The following ERN1 variants were observed in gnomAD, a reference collection of about 807,000 sequenced individuals.
ERN1 encodes endoplasmic reticulum to nucleus signaling 1, also known as serine/threonine-protein kinase/endoribonuclease IRE1.
ERN1 carries 39 observed loss-of-function variants against 113.1 expected under a neutral mutation model. The ratio of observed to expected loss-of-function variants is 0.34; its 90% CI spans 0.27 to 0.45. The LOEUF (loss-of-function observed/expected upper bound fraction) is 0.45, where lower values mean the gene tolerates loss of function less well. Ranked by LOEUF, ERN1 falls within the 20% of genes least tolerant of loss-of-function variation. ERN1 has a pLI of 1.00. For missense variants in ERN1, 976 were observed against 1,274.8 expected, an observed-to-expected ratio of 0.77 and a Z score of 3.57; for synonymous variants, 507 against 515.9, an observed-to-expected ratio of 0.98 and a Z score of 0.23.
chr17:64,104,486 A>G (rs1914469927), intron 1 of ERN1, among the ~76,000 whole-genome samples: 1 of 152,156 alleles, frequency 6.6e-6, no homozygotes, highest in African/African-American at 2.4e-5. Context: ...AATTTCAGAC[A>G]TACATTTCAA....
chr17:64,106,221 T>C (rs1362440687), intron 1 of ERN1, among the ~76,000 whole-genome samples: 1 of 152,180 alleles, frequency 6.6e-6, no homozygotes, highest in East Asian at 1.9e-4. Context: ...TATTACAGTA[T>C]TAAAGGTAAG....
rs199828702 is a variant in ERN1 at position 64,066,911 on chromosome 17, T to C, written c.602A>G (p.Asn201Ser). The stretch of plus-strand genomic sequence containing the variant: ...CACAGTCACCACCAGCCCATCACCA[T>C]TGGACACAAAGTGGGACATCTCTGT... ...VDYKMSHFVS[N>S]GDGLVVTVDS... The change falls in exon 8 of 22, where the codon AAT (asparagine) becomes AGT (serine). Residue 201 changes from asparagine (N) to serine (S), a missense_variant. This residue lies in a region of ERN1 where 459 missense variants were observed against 581.2 expected (regional missense o/e 0.79). Transcript: ENST00000433197. 48 of 1,613,690 alleles carry C rather than the reference T, an allele frequency of 3.0e-5. No homozygotes were observed. The highest frequency in any genetic ancestry group is 1.2e-4 in the Admixed American group (7 of 59,968).
intron 19 of ERN1, among the ~76,000 whole-genome samples, chr17:64,046,731 C>T (rs1462171555): frequency 6.6e-6 from 1 of 152,180 alleles, no homozygotes; most frequent in African/African-American, 2.4e-5. Context: ...CCAGTCAGAC[C>T]CCAGGAGAGC....
rs1363387838 is a variant in ERN1 at position 64,129,963 on chromosome 17, C to T, written c.54+13G>A. The T allele has an allele frequency of 6.9e-7, 1 of 1,445,310 alleles. No homozygotes were observed. Among genetic ancestry groups the T allele is most frequent in the Non-Finnish European group, 9.0e-7 (1 of 1,105,064 alleles). 89.5% of individuals were successfully genotyped at this position (1,445,310 alleles called of 1,614,324 possible). A position where few individuals can be genotyped will look rare whatever the true frequency, so the allele number is the denominator to read the frequency against. On this transcript the variant is annotated intron_variant, in intron 1 of 21. Coordinates refer to ENST00000433197, the MANE Select transcript of ERN1 (RefSeq NM_001433.5). ...GCGAGCTGTCCTCCACCCCACGCTC[C>T]CCGGTCACTCACCCCGAGGCCGGGC... is the stretch of plus-strand genomic sequence containing the variant.
In ERN1 at chr17:64,052,836, C is replaced by T; in HGVS notation, c.2197G>A (p.Gly733Ser). 6.2e-7 allele frequency: 1 copy of T among 1,614,028 alleles called. No individual in the cohort carries two copies. The highest frequency in any genetic ancestry group is 8.5e-7 in the Non-Finnish European group (1 of 1,179,896). ...TCTGGAGCGATCCAGCCTTCTGTGC[C>T]AGGCACCCCAGATCGGCGGCTGAAA... is the stretch of plus-strand genomic sequence containing the variant. ...HSFSRRSGVPGTEGWIAPEML... is the reference protein window; with the variant it reads ...HSFSRRSGVPSTEGWIAPEML... The change falls in exon 17 of 22, where the codon GGC (glycine) becomes AGC (serine). Residue 733 changes from glycine to serine, a missense_variant. By Grantham distance (56) the Gly-to-Ser change is moderately conservative. This residue lies in a region of ERN1 where 297 missense variants were observed against 457.8 expected (regional missense o/e 0.65). Coordinates refer to ENST00000433197, the MANE Select transcript of ERN1 (RefSeq NM_001433.5).
chr17:64,122,507 T>C (rs1914980088), intron 1 of ERN1, among the ~76,000 whole-genome samples: 1 of 152,202 alleles, frequency 6.6e-6, no homozygotes, highest in African/African-American at 2.4e-5. Flanking sequence ...TACATGCTTC[T>C]AGGGCTCAAA....
At chr17:64,084,183 A>G (rs17641310) in intron 2 of ERN1, among the ~76,000 whole-genome samples, 14,124 of 151,940 alleles carry the variant, frequency 0.093, 722 homozygotes, top group African/African-American at 0.12. Flanking sequence ...TTTGCCTGAG[A>G]CTGGCTTCTA....
At chr17:64,084,179 T>C (rs190400309) in intron 2 of ERN1, among the ~76,000 whole-genome samples, 17 of 152,242 alleles carry the variant, frequency 1.1e-4, no homozygotes, top group East Asian at 1.9e-4. Flanking sequence ...GTCTTTTGCC[T>C]GAGACTGGCT....
At chr17:64,112,640 T>C (rs1173339924) in intron 1 of ERN1, among the ~76,000 whole-genome samples, 3 of 152,142 alleles carry the variant, frequency 2.0e-5, no homozygotes, top group Non-Finnish European at 4.4e-5. Flanking sequence ...ATCCATAAAA[T>C]GGGGATAATG....
In ERN1 at chr17:64,077,660, G is replaced by A. The variant is rs141546128; in HGVS notation, c.282+2002C>T. Among the ~76,000 whole-genome samples, 322 of 152,152 alleles carry A rather than the reference G, an allele frequency of 2.1e-3. 4 individuals carry two copies. The highest frequency in any genetic ancestry group is 7.5e-3 in the African/African-American group (310 of 41,498). ...AGAGTTTATTTTTCCACTCCACTGT[G>A]GATGTTATTTGGCCACCCTCTGCTT... On this transcript the variant is annotated intron_variant, in intron 4 of 21. Coordinates refer to ENST00000433197, the MANE Select transcript of ERN1 (RefSeq NM_001433.5).
chr17:64,066,645 T>C (rs1913234749), intron 8 of ERN1, 26 bp downstream of exon 8: 3 of 1,610,808 alleles, frequency 1.9e-6, no homozygotes, highest in African/African-American at 2.7e-5. Context: ...ACGGCCGCCC[T>C]CTCCTTCCCC....
At chr17:64,079,327 C>T (rs1200470874) in intron 4 of ERN1, among the ~76,000 whole-genome samples, 3 of 152,316 alleles carry the variant, frequency 2.0e-5, no homozygotes, top group Non-Finnish European at 4.4e-5. Context: ...GTGGAGACAG[C>T]ATTTCAAACT....
chr17:64,102,648 G>C (rs1056328249), intron 1 of ERN1: 2 of 984,474 alleles, frequency 2.0e-6, no homozygotes, highest in African/African-American at 3.5e-5. Context: ...GTGTGATACT[G>C]AGCACAGCTG....
intron 1 of ERN1, among the ~76,000 whole-genome samples, chr17:64,118,262 G>T (rs1422541314): frequency 1.3e-5 from 2 of 152,194 alleles, no homozygotes; most frequent in African/African-American, 4.8e-5. Flanking sequence ...AAGTTGCACA[G>T]CTAGCTAGTA....
chr17:64,093,237 G>A (rs765990864), intron 2 of ERN1, among the ~76,000 whole-genome samples: 4 of 152,170 alleles, frequency 2.6e-5, no homozygotes, highest in Non-Finnish European at 4.4e-5. Flanking sequence ...AAGAACCCCA[G>A]TTTGGTGAGT....
At chr17:64,056,716 T>C (rs558179450) in intron 12 of ERN1, among the ~76,000 whole-genome samples, 3 of 152,152 alleles carry the variant, frequency 2.0e-5, no homozygotes, top group Non-Finnish European at 4.4e-5. Flanking sequence ...CTCTCCACCA[T>C]GGGGTGGAGT....
chr17:64,103,516 C>T (rs531504069), intron 1 of ERN1, among the ~76,000 whole-genome samples: 19 of 144,118 alleles, frequency 1.3e-4, no homozygotes, highest in African/African-American at 4.6e-4. Context: ...AAAAAAAAAG[C>T]AATGTTACAC....
chr17:64,106,370 T>A (rs145791869), intron 1 of ERN1, among the ~76,000 whole-genome samples: 1 of 152,314 alleles, frequency 6.6e-6, no homozygotes, highest in East Asian at 1.9e-4. Context: ...AATAATGATT[T>A]CAAGTGGATT....
intron 10 of ERN1, among the ~76,000 whole-genome samples, chr17:64,062,365 G>A (rs1452252547): frequency 2.0e-5 from 3 of 152,232 alleles, no homozygotes; most frequent in Non-Finnish European, 2.9e-5. Context: ...AAAATGAAAG[G>A]ACATATCTGG....
Sources: allele counts gnomAD v4.1 joint callset (sites outside exome capture counted in the v4.1 genomes callset), GRCh38; gene constraint gnomAD v4.1.1; regional missense constraint gnomAD v4.1.1; transcripts MANE v1.5; gene names NCBI Gene and HGNC (gene_info 2026-07-23, HGNC 2026-07-21).